Variants in AS3MT observed in about 807,000 individuals in gnomAD.
AS3MT encodes S-adenosyl-L-methionine:arsenic(III) methyltransferase.
In AS3MT, 47 loss-of-function variants were observed where a neutral mutation model predicts 45.3. The observed-to-expected ratio is 1.04, with a 90% CI of 0.82 to 1.32. The LOEUF is 1.32. Ranked by LOEUF, AS3MT falls within the 40% of genes most tolerant of loss-of-function variation. AS3MT has a pLI of 0.00. For synonymous variants in AS3MT, 141 were observed against 152.8 expected, an observed-to-expected ratio of 0.92 and a Z score of 0.57; for missense variants, 396 against 451.1, an observed-to-expected ratio of 0.88 and a Z score of 1.11.
Position 102,881,271 on chromosome 10 carries a change from G to C in AS3MT, c.885+2280G>C, listed in dbSNP as rs1426236488. 1.3e-5 allele frequency among the ~76,000 whole-genome samples: 2 copies of C among 152,118 alleles called. No homozygotes were observed. The highest frequency in any genetic ancestry group is 4.8e-5 in the African/African-American group (2 of 41,444). ...ATTCTGCTTTGGATCAAAGTTTATA[G>C]AACACTACTTAATGGAAACTAGTGG... On this transcript the variant is annotated intron_variant, in intron 9 of 10. Transcript: ENST00000369880. This position sits in a 1 kb window ranked among gnomAD's most constrained non-coding sequence, Gnocchi z 4.2.
At chr10:102,891,436 G>A (rs558614148) in intron 10 of AS3MT, among the ~76,000 whole-genome samples, 1 of 152,164 alleles carries the variant, frequency 6.6e-6, no homozygotes, top group Admixed American at 6.5e-5. Context: ...AGTTTAGTAA[G>A]AGTCTTTTCT....
At chr10:102,877,492 A>T (rs1844800122) in intron 7 of AS3MT, among the ~76,000 whole-genome samples, 1 of 151,348 alleles carries the variant, frequency 6.6e-6, no homozygotes, top group East Asian at 1.9e-4. Context: ...TCTTATTCTT[A>T]AAATAATATT....
chr10:102,875,929 T>A (rs958748131), intron 6 of AS3MT, among the ~76,000 whole-genome samples: 6 of 152,160 alleles, frequency 3.9e-5, no homozygotes, highest in Non-Finnish European at 8.8e-5. Context: ...AATTTTTTTT[T>A]AAATTGACAA....
Position 102,870,065 on chromosome 10 carries a change from CTG to C in AS3MT, c.43-16_43-15del, listed in dbSNP as rs1353848858. Reference sequence around the variant, plus strand: ...TTCTCCCTCTCTACCCCTCACTCCACTGTGGGACGCTGGGTCAGACCTACTAC... The same window carrying C: ...TTCTCCCTCTCTACCCCTCACTCCACTGGGACGCTGGGTCAGACCTACTAC... On this transcript the variant is annotated splice_polypyrimidine_tract_variant and intron_variant, in intron 2 of 10. Transcript: ENST00000369880. 1.9e-6 allele frequency: 3 copies of C among 1,613,114 alleles called. No homozygotes were observed. The highest frequency in any genetic ancestry group is 2.5e-6 in the Non-Finnish European group (3 of 1,179,866).
Position 102,869,844 on chromosome 10 carries a change from A to C in AS3MT, c.41A>C (p.Gln14Pro). The change falls in exon 2 of 11, where the codon CAG (glutamine) becomes CCG (proline). Residue 14 changes from glutamine (Q) to proline (P), a missense_variant and splice_region_variant. Gln to Pro is a moderately conservative substitution (Grantham distance 76). Transcript: ENST00000369880. ...LRDAEIQKDV[Q>P]TYYGQVLKRS... ...GACGCTGAGATACAGAAGGACGTGC[A>C]GGTGAGAGCTGTAGGGCCTGGAATG... is the stretch of plus-strand genomic sequence containing the variant. 1.2e-6 allele frequency: 2 copies of C among 1,613,982 alleles called. No individual in the cohort carries two copies. Among genetic ancestry groups the C allele is most frequent in the Non-Finnish European group, 1.7e-6 (2 of 1,180,034 alleles).
At chr10:102,879,109 G>A in intron 9 of AS3MT, 118 bp downstream of exon 9, 3 of 1,131,688 alleles carry the variant, frequency 2.7e-6, no homozygotes, top group Non-Finnish European at 2.5e-6. Flanking sequence ...GTTTGTGTGT[G>A]TGTTTAAATG....
At chr10:102,894,907 ATAT>A (rs1216961953) in intron 10 of AS3MT, among the ~76,000 whole-genome samples, 1 of 152,184 alleles carries the variant, frequency 6.6e-6, no homozygotes, top group Non-Finnish European at 1.5e-5. Context: ...ACCAATGTAC[ATAT>A]TATATGTATT....
rs531619060 is a variant in AS3MT at position 102,870,316 on chromosome 10, G to T, written c.170+105G>T. 1.0e-5 allele frequency: 14 copies of T among 1,395,582 alleles called. No individual in the cohort carries two copies. The South Asian group carries it at 1.7e-4, about 17-fold the overall frequency. The allele number at this position is 1,395,582 out of a possible 1,614,324, so 86.4% of individuals were successfully genotyped here. ...TTAACCCGTAGCCACCAACCCATCA[G>T]CTTGCCTTGTCTATTGTAAAAATCC... On this transcript the variant is annotated intron_variant, in intron 3 of 10. Transcript: ENST00000369880.
At chr10:102,892,640 C>CTT (rs779245973) in intron 10 of AS3MT, among the ~76,000 whole-genome samples, 1 of 152,048 alleles carries the variant, frequency 6.6e-6, no homozygotes, top group Non-Finnish European at 1.5e-5. Context: ...GTTTAATACT[C>CTT]TGAGTTATGA....
At chr10:102,876,166 C>T (rs1156802520) in intron 6 of AS3MT, among the ~76,000 whole-genome samples, 2 of 151,972 alleles carry the variant, frequency 1.3e-5, no homozygotes, top group Non-Finnish European at 2.9e-5. Context: ...TGTTAAGTTC[C>T]TGATCACTCA....
intron 9 of AS3MT, among the ~76,000 whole-genome samples, chr10:102,889,738 C>T (rs1331988179): frequency 1.3e-5 from 2 of 151,116 alleles, no homozygotes. Context: ...TGCAGTGGCG[C>T]AATCTCAGCT....
At chr10:102,889,999 T>C (rs1328666638) in intron 9 of AS3MT, among the ~76,000 whole-genome samples, 10 of 147,218 alleles carry the variant, frequency 6.8e-5, no homozygotes, top group Non-Finnish European at 9.0e-5. Context: ...CTTTTCTTTT[T>C]TTTTTTTTTT....
At position 102,876,980 on chromosome 10, in the gene AS3MT, C is replaced by T. The variant is rs374230034; in HGVS notation, c.555C>T (p.Asp185=). ...LKHGGELYFS[D]VYTSLELPEE... is the part of the protein sequence containing the mutation. ...ATGGTGGGGAGTTATATTTCAGTGA[C>T]GTCTATACGAGCCTTGAACTGCCAG... The change falls in exon 7 of 11, where the codon GAC becomes GAT. Residue 185 remains aspartate (D), a synonymous_variant. Coordinates refer to ENST00000369880, the MANE Select transcript of AS3MT (RefSeq NM_020682.4). 79 of 1,614,006 alleles carry T rather than the reference C, an allele frequency of 4.9e-5. No individual in the cohort carries two copies. Among genetic ancestry groups the T allele is most frequent in the Non-Finnish European group, 5.7e-5 (67 of 1,180,008 alleles).
chr10:102,884,137 C>A (rs568094449), intron 9 of AS3MT, among the ~76,000 whole-genome samples: 2 of 152,004 alleles, frequency 1.3e-5, no homozygotes, highest in Non-Finnish European at 2.9e-5. Flanking sequence ...TGCTACCACA[C>A]CCAGCTAATT....
In AS3MT at chr10:102,881,617, A is replaced by T. The variant is rs1463094734; in HGVS notation, c.885+2626A>T. ...CTTACTTTGCAGAATTTCTATAAGG[A>T]TTAGCAATAATGTAGCAAAACACTG... On this transcript the variant is annotated intron_variant, in intron 9 of 10. Transcript: ENST00000369880. This position sits in a 1 kb window ranked among gnomAD's most constrained non-coding sequence, Gnocchi z 4.2. 6.6e-6 allele frequency among the ~76,000 whole-genome samples: 1 copy of T among 152,224 alleles called. No homozygotes were observed. Among genetic ancestry groups the T allele is most frequent in the African/African-American group, 2.4e-5 (1 of 41,466 alleles).
At chr10:102,895,044 A>G (rs1301021300) in intron 10 of AS3MT, among the ~76,000 whole-genome samples, 5 of 152,224 alleles carry the variant, frequency 3.3e-5, no homozygotes, top group Admixed American at 3.3e-4. Flanking sequence ...TTGGCTCAGA[A>G]TAAATCTTTT....
chr10:102,898,007 A>T (rs1845206732), intron 10 of AS3MT, among the ~76,000 whole-genome samples: 1 of 152,124 alleles, frequency 6.6e-6, no homozygotes, highest in Non-Finnish European at 1.5e-5. Flanking sequence ...GGTCAGTTTC[A>T]AGTTTTTGAA....
At chr10:102,878,774 T>C in intron 8 of AS3MT, 75 bp from the exon 9 acceptor site, 1 of 1,535,740 alleles carries the variant, frequency 6.5e-7, no homozygotes, top group Non-Finnish European at 8.8e-7. Flanking sequence ...TATAACGTGT[T>C]TGCTCCTTGT....
At chr10:102,875,346 G>A (rs12764899) in intron 6 of AS3MT, among the ~76,000 whole-genome samples, 32,155 of 151,444 alleles carry the variant, frequency 0.21, 3,924 homozygotes, top group East Asian at 0.43. Flanking sequence ...GTGTGGTGGT[G>A]CGTGCCTGTA....
Sources: allele counts gnomAD v4.1 joint callset (sites outside exome capture counted in the v4.1 genomes callset), GRCh38; gene constraint gnomAD v4.1.1; non-coding constraint Gnocchi (gnomAD v3.1); transcripts MANE v1.5; gene names NCBI Gene and HGNC (gene_info 2026-07-23, HGNC 2026-07-21).